The following DEAF1 variants were observed in gnomAD, a reference collection of about 807,000 sequenced individuals.
DEAF1 encodes deformed epidermal autoregulatory factor 1 homolog.
A neutral mutation model predicts 58.9 loss-of-function variants in DEAF1; 53 were observed. The ratio of observed to expected loss-of-function variants is 0.90; its 90% CI spans 0.72 to 1.13. The LOEUF (loss-of-function observed/expected upper bound fraction) is 1.13. DEAF1 is among the 50% of genes most tolerant of loss of function. The probability of loss-of-function intolerance (pLI) is 0.00; values close to 1 mark genes in which losing one functional copy is unlikely to be tolerated. For missense variants in DEAF1, 685 were observed against 791.4 expected (o/e 0.87, Z 1.61); for synonymous variants, 385 against 340.4 (o/e 1.13, Z -1.44).
At chr11:648,494 T>A (rs1858606991) in intron 11 of DEAF1, among the ~76,000 whole-genome samples, 1 of 152,088 alleles carries the variant, frequency 6.6e-6, no homozygotes, top group African/African-American at 2.4e-5. Context: ...CGTGCCCAGC[T>A]GAAGGCAGCT....
At chr11:697,206 A>T (rs1172746825), upstream of DEAF1, among the ~76,000 whole-genome samples, 5 of 152,090 alleles carry the variant, frequency 3.3e-5, no homozygotes, top group Non-Finnish European at 7.4e-5. Flanking sequence ...GTGAGCTGTG[A>T]TCAGGCCACT....
Position 644,447 on chromosome 11 carries a change from C to T in DEAF1, c.*103G>A. 1 of 840,670 alleles carries T rather than the reference C, an allele frequency of 1.2e-6. No individual in the cohort carries two copies. The highest frequency in any genetic ancestry group is 2.6e-5 in the East Asian group (1 of 38,120). The allele number at this position is 840,670 out of a possible 1,614,324, so 52.1% of individuals were successfully genotyped here. On this transcript the variant is annotated 3_prime_UTR_variant, in exon 12 of 12. Coordinates refer to ENST00000382409, the MANE Select transcript of DEAF1 (RefSeq NM_021008.4). The surrounding 1 kb of genome is among the most constrained non-coding windows in gnomAD (Gnocchi z 4.3). Reference sequence around the variant, plus strand: ...AGCAAGTTTCTTTACCTTCCCACACCCCTCTTCTCAACGTCCCCCCAGAGT... The same window carrying T: ...AGCAAGTTTCTTTACCTTCCCACACTCCTCTTCTCAACGTCCCCCCAGAGT...
Position 695,119 on chromosome 11 carries a change from G to A in DEAF1, c.-72C>T, listed in dbSNP as rs1293397091. The A allele has an allele frequency of 8.2e-6, 11 of 1,339,558 alleles. No individual in the cohort carries two copies. The highest frequency in any genetic ancestry group is 6.9e-5 in the Admixed American group (2 of 28,972). The allele number at this position is 1,339,558 out of a possible 1,614,324, so 83.0% of individuals were successfully genotyped here. On this transcript the variant is annotated 5_prime_UTR_variant, in exon 1 of 12. Coordinates refer to ENST00000382409, the MANE Select transcript of DEAF1 (RefSeq NM_021008.4). Reference sequence around the variant, plus strand: ...AAGCGCCGGTCGCGGAGCCCGAAGCGGGGCCCGAAGAGGACGCCCGAGCTG... The same window carrying A: ...AAGCGCCGGTCGCGGAGCCCGAAGCAGGGCCCGAAGAGGACGCCCGAGCTG...
At position 681,169 on chromosome 11, in the gene DEAF1, G is replaced by A. The variant is rs959082997; in HGVS notation, c.871-80C>T. 5.6e-6 allele frequency: 9 copies of A among 1,594,132 alleles called. No homozygotes were observed. The Admixed American group carries it at 1.5e-4, about 27-fold the overall frequency. Reference sequence around the variant, plus strand: ...GCTTGCAACTCCTCCTTAAGTGGGGGCACCGCGGGGTGTGTGAGTCACATG... The same window carrying A: ...GCTTGCAACTCCTCCTTAAGTGGGGACACCGCGGGGTGTGTGAGTCACATG... On this transcript the variant is annotated intron_variant, in intron 6 of 11. Transcript: ENST00000382409.
chr11:694,077 TG>T (rs1373401161), intron 1 of DEAF1, among the ~76,000 whole-genome samples: 1 of 151,658 alleles, frequency 6.6e-6, no homozygotes, highest in Non-Finnish European at 1.5e-5. Flanking sequence ...CCTCAGGAAG[TG>T]GGGGGTTCCT....
Position 679,602 on chromosome 11 carries a change from T to C in DEAF1, c.1126+86A>G, listed in dbSNP as rs1860249228. The C allele has an allele frequency of 1.9e-6, 3 of 1,591,394 alleles. No homozygotes were observed. The South Asian group carries it at 3.3e-5, about 18-fold the overall frequency. ...GCCCCTCTCGAGGCACCCAGCAGCC[T>C]ATGCAGCCCAATGTGGCGTCGGGGA... On this transcript the variant is annotated intron_variant, in intron 8 of 11. Transcript: ENST00000382409.
At chr11:659,843 G>A (rs1450162588) in intron 10 of DEAF1, among the ~76,000 whole-genome samples, 1 of 152,242 alleles carries the variant, frequency 6.6e-6, no homozygotes, top group Non-Finnish European at 1.5e-5. Flanking sequence ...GAAGCCAGCG[G>A]TAGATGGGGC....
chr11:673,450 C>T (rs1239907571), intron 10 of DEAF1, among the ~76,000 whole-genome samples: 2 of 152,102 alleles, frequency 1.3e-5, no homozygotes, highest in Non-Finnish European at 2.9e-5. Context: ...ATCGCTGGAG[C>T]CCGGGAGGCA....
chr11:649,122 A>C (rs1042627264), intron 11 of DEAF1, among the ~76,000 whole-genome samples: 1 of 152,072 alleles, frequency 6.6e-6, no homozygotes, highest in African/African-American at 2.4e-5. Context: ...ATGGTGGTGC[A>C]TGCCTGTAAT....
At chr11:682,222 C>G (rs539108569) in intron 6 of DEAF1, among the ~76,000 whole-genome samples, 1 of 152,310 alleles carries the variant, frequency 6.6e-6, no homozygotes, top group Admixed American at 6.5e-5. Flanking sequence ...TCAGAATCAA[C>G]TAACTGCCAG....
chr11:647,311 G>A (rs1412197875), intron 11 of DEAF1, among the ~76,000 whole-genome samples: 5 of 151,966 alleles, frequency 3.3e-5, no homozygotes, highest in South Asian at 2.1e-4. Context: ...AAAATTAGCC[G>A]GACGTGGTGG....
chr11:702,015 T>C (rs776351041), intron 1 of DEAF1, among the ~76,000 whole-genome samples: 1 of 152,176 alleles, frequency 6.6e-6, no homozygotes, highest in Non-Finnish European at 1.5e-5. Context: ...GGGAACGCAA[T>C]GGGCACTTCC....
At chr11:672,208 C>T (rs1859860960) in intron 10 of DEAF1, among the ~76,000 whole-genome samples, 2 of 152,066 alleles carry the variant, frequency 1.3e-5, no homozygotes, top group African/African-American at 4.8e-5. Flanking sequence ...CTGGTAGAAT[C>T]CGTAACAAAC....
chr11:688,581 A>C lies in DEAF1; in HGVS notation c.388-121T>G. 2 of 1,162,896 alleles carry C rather than the reference A, an allele frequency of 1.7e-6. No individual in the cohort carries two copies. Among genetic ancestry groups the C allele is most frequent in the Non-Finnish European group, 1.3e-6 (1 of 788,326 alleles). The allele number at this position is 1,162,896 out of a possible 1,614,324, so 72.0% of individuals were successfully genotyped here. A position where few individuals can be genotyped will look rare whatever the true frequency, so the allele number is the denominator to read the frequency against. ...CTGTTCTCACCAAGAAGGGACGCTCACCTAGGCACCCCATATCTTTTCCAA... is the reference window on the plus strand; with the variant it reads ...CTGTTCTCACCAAGAAGGGACGCTCCCCTAGGCACCCCATATCTTTTCCAA... On this transcript the variant is annotated intron_variant, in intron 2 of 11. Transcript: ENST00000382409. This position sits in a 1 kb window ranked among gnomAD's most constrained non-coding sequence, Gnocchi z 4.3.
Position 688,541 on chromosome 11 carries a change from A to T in DEAF1, c.388-81T>A, listed in dbSNP as rs1860693990. ...ACTGAGCCCAGCTGGGCCGTCCTCC[A>T]GCAGGGCTCTCTGGCTGTTCTCACC... On this transcript the variant is annotated intron_variant, in intron 2 of 11. Coordinates refer to ENST00000382409, the MANE Select transcript of DEAF1 (RefSeq NM_021008.4). This position sits in a 1 kb window ranked among gnomAD's most constrained non-coding sequence, Gnocchi z 4.3. The T allele has an allele frequency of 6.3e-7, 1 of 1,578,726 alleles. No individual in the cohort carries two copies. Among genetic ancestry groups the T allele is most frequent in the Non-Finnish European group, 8.7e-7 (1 of 1,154,992 alleles).
chr11:689,004 G>A (rs899147669), intron 2 of DEAF1, among the ~76,000 whole-genome samples: 1 of 152,128 alleles, frequency 6.6e-6, no homozygotes, highest in African/African-American at 2.4e-5. Flanking sequence ...ACACACCACT[G>A]CTGGAACTTG....
intron 11 of DEAF1, among the ~76,000 whole-genome samples, chr11:649,185 A>AGGCTGCAGTGAGC (rs1041533634): frequency 2.6e-5 from 4 of 152,188 alleles, no homozygotes; most frequent in Non-Finnish European, 4.4e-5. Flanking sequence ...CGGGAGGCAG[A>AGGCTGCAGTGAGC]GGCTGCAGTG....
chr11:644,400 A>T lies in DEAF1; in HGVS notation c.*150T>A. ...GCGCTTCCCAGGGCACCATTCGCTT[A>T]AAGTGTGTTAATGACTTGTCCAGCA... is the stretch of plus-strand genomic sequence containing the variant. On this transcript the variant is annotated 3_prime_UTR_variant, in exon 12 of 12. Transcript: ENST00000382409. This position sits in a 1 kb window ranked among gnomAD's most constrained non-coding sequence, Gnocchi z 4.3. The T allele has an allele frequency of 1.4e-6, 1 of 701,942 alleles. No individual in the cohort carries two copies. Among genetic ancestry groups the T allele is most frequent in the African/African-American group, 1.8e-5 (1 of 57,106 alleles). The allele number at this position is 701,942 out of a possible 1,614,324, so 43.5% of individuals were successfully genotyped here.
intron 2 of DEAF1, among the ~76,000 whole-genome samples, chr11:691,273 T>C (rs536351717): frequency 2.0e-4 from 31 of 152,286 alleles, no homozygotes; most frequent in African/African-American, 7.0e-4. Flanking sequence ...ATCTGACAGG[T>C]GTGGCTCTTC....
Sources: gnomAD v4.1 joint callset for allele counts (sites outside exome capture counted in the v4.1 genomes callset) on GRCh38, gnomAD v4.1.1 for gene constraint, Gnocchi (gnomAD v3.1) non-coding constraint, MANE v1.5 for transcripts, NCBI Gene and HGNC (gene_info 2026-07-23, HGNC 2026-07-21) for gene names.